LRP1B: variants seen among roughly 807,000 people sequenced by gnomAD.
LRP1B encodes the protein LDL receptor related protein 1B.
In LRP1B, 217 loss-of-function variants were observed where a neutral mutation model predicts 556.6. The observed-to-expected ratio is 0.39, with a 90% CI of 0.35 to 0.44. The LOEUF is 0.44. Among genes scored for constraint, LRP1B ranks in the 20% least tolerant of loss-of-function variants. LRP1B has a pLI of 1.00. For synonymous variants in LRP1B, 2,047 were observed against 1,865.8 expected, an observed-to-expected ratio of 1.10 and a Z score of -2.50; for missense variants, 5,053 against 5,620.8, an observed-to-expected ratio of 0.90 and a Z score of 3.23.
At chr2:141,463,932 T>C (rs894473664) in intron 3 of LRP1B, among the ~76,000 whole-genome samples, 3 of 150,598 alleles carry the variant, frequency 2.0e-5, no homozygotes, top group Non-Finnish European at 3.0e-5. Flanking sequence ...GGCCATAAAA[T>C]CCTGTGCTAT....
At chr2:140,587,443 G>C (rs1050997277) in intron 43 of LRP1B, among the ~76,000 whole-genome samples, 1 of 152,116 alleles carries the variant, frequency 6.6e-6, no homozygotes, top group Non-Finnish European at 1.5e-5. Flanking sequence ...GGGTGAACTT[G>C]GAGTACATTA....
intron 7 of LRP1B, among the ~76,000 whole-genome samples, chr2:141,098,663 CTGAT>C (rs201248914): frequency 2.6e-5 from 4 of 152,126 alleles, no homozygotes; most frequent in African/African-American, 9.6e-5. Context: ...TGTAGATTGA[CTGAT>C]TGATTTGGAG....
Position 141,115,610 on chromosome 2 carries a change from C to T in LRP1B, c.1014-53337G>A, listed in dbSNP as rs1020195586. Among the ~76,000 whole-genome samples the T allele has an allele frequency of 1.4e-4, 20 of 145,636 alleles. No individual in the cohort carries two copies. The Admixed American group carries it at 1.4e-3, about 10-fold the overall frequency. On this transcript the variant is annotated intron_variant, in intron 7 of 90. Coordinates refer to ENST00000389484, the MANE Select transcript of LRP1B (RefSeq NM_018557.3). ...TAGCTGGGACTACAGGCTCCCGCCACCATGCCCGGCTAATTTGTGTGTGTG... is the reference window on the plus strand; with the variant it reads ...TAGCTGGGACTACAGGCTCCCGCCATCATGCCCGGCTAATTTGTGTGTGTG...
chr2:142,105,654 A>G (rs964672120), intron 1 of LRP1B, among the ~76,000 whole-genome samples: 1 of 152,220 alleles, frequency 6.6e-6, no homozygotes, highest in African/African-American at 2.4e-5. Context: ...AAAATTAATT[A>G]GCACTGAAGA....
At chr2:141,908,200 T>C (rs1018134337) in intron 1 of LRP1B, among the ~76,000 whole-genome samples, 1 of 152,104 alleles carries the variant, frequency 6.6e-6, no homozygotes, top group African/African-American at 2.4e-5. Flanking sequence ...TTGATATATA[T>C]ATGTTATTTG....
At chr2:140,624,930 A>G (rs1683602009) in intron 41 of LRP1B, among the ~76,000 whole-genome samples, 1 of 152,214 alleles carries the variant, frequency 6.6e-6, no homozygotes, top group African/African-American at 2.4e-5. Context: ...GGCAGAAGAA[A>G]CAGCGTATGT....
chr2:141,924,629 G>C (rs1052568860), intron 1 of LRP1B, among the ~76,000 whole-genome samples: 65 of 152,148 alleles, frequency 4.3e-4, no homozygotes, highest in African/African-American at 1.3e-3. Flanking sequence ...ACGCGCCCTG[G>C]CTCCTGCACC....
At chr2:140,801,090 T>A (rs1033308345) in intron 32 of LRP1B, among the ~76,000 whole-genome samples, 18 of 152,202 alleles carry the variant, frequency 1.2e-4, no homozygotes, top group Admixed American at 1.3e-4. Context: ...TCATATATTT[T>A]ACTATTATTG....
At chr2:141,210,450 T>C (rs886138661) in intron 6 of LRP1B, among the ~76,000 whole-genome samples, 9 of 152,192 alleles carry the variant, frequency 5.9e-5, no homozygotes, top group Admixed American at 3.9e-4. Context: ...CCTTCTTTCT[T>C]CCATAAAGAC....
At chr2:141,072,215 T>C (rs530770653) in intron 7 of LRP1B, among the ~76,000 whole-genome samples, 2 of 152,188 alleles carry the variant, frequency 1.3e-5, no homozygotes, top group East Asian at 3.9e-4. Flanking sequence ...GCTCAAATGG[T>C]AAAATCCACT....
intron 3 of LRP1B, among the ~76,000 whole-genome samples, chr2:141,291,343 G>A (rs1323159423): frequency 6.6e-6 from 1 of 151,972 alleles, no homozygotes; most frequent in Non-Finnish European, 1.5e-5. Flanking sequence ...CTTCCACTTT[G>A]ACAAGAACGA....
intron 2 of LRP1B, among the ~76,000 whole-genome samples, chr2:141,484,960 A>G (rs1574000562): frequency 6.6e-6 from 1 of 152,138 alleles, no homozygotes; most frequent in African/African-American, 2.4e-5. Context: ...TTTCACTGTT[A>G]AGATTGCCAG....
intron 2 of LRP1B, among the ~76,000 whole-genome samples, chr2:141,685,920 T>G (rs1232636913): frequency 1.3e-5 from 2 of 152,228 alleles, no homozygotes; most frequent in South Asian, 2.1e-4. Context: ...AGTTTCCAGT[T>G]GGAACAGCAT....
chr2:140,709,563 C>G (rs1292002669), intron 37 of LRP1B, among the ~76,000 whole-genome samples: 1 of 151,880 alleles, frequency 6.6e-6, no homozygotes, highest in East Asian at 1.9e-4. Flanking sequence ...CTAAACTAAA[C>G]TCATACATGA....
intron 43 of LRP1B, among the ~76,000 whole-genome samples, chr2:140,589,478 T>C (rs1682128604): frequency 6.6e-6 from 1 of 152,204 alleles, no homozygotes; most frequent in African/African-American, 2.4e-5. Flanking sequence ...ATTATGTTCA[T>C]TCTAGAATCA....
At chr2:141,118,306 T>G (rs1700957262) in intron 7 of LRP1B, among the ~76,000 whole-genome samples, 2 of 152,070 alleles carry the variant, frequency 1.3e-5, no homozygotes, top group South Asian at 4.1e-4. Flanking sequence ...TTATCACATC[T>G]TATTACAAAA....
At chr2:141,430,762 C>A (rs1393666029) in intron 3 of LRP1B, among the ~76,000 whole-genome samples, 3 of 152,020 alleles carry the variant, frequency 2.0e-5, no homozygotes, top group Non-Finnish European at 4.4e-5. Context: ...TTTGGTTATA[C>A]AATCAAATGC....
rs1292804028 is a variant in LRP1B, at chr2:140,350,991, C to G, written c.11698G>C (p.Gly3900Arg). The change falls in exon 77 of 91, where the codon GGT becomes CGT. Residue 3900 changes from glycine (G) to arginine (R), a missense_variant. Around this residue, in one of 5 missense-constraint regions of LRP1B, gnomAD observed 599 missense variants for 648.4 expected, o/e 0.92. Transcript: ENST00000389484. ...CTGTAGTTGAATGGATATATAAAAC[C>G]CAGGATATCAGTGTCATTAGCAATG... is the stretch of plus-strand genomic sequence containing the variant. Reference protein sequence around the residue: ...LYIANDTDILGFIYPFNYSGD... With the variant: ...LYIANDTDILRFIYPFNYSGD... 6.2e-7 allele frequency: 1 copy of G among 1,602,612 alleles called. No homozygotes were observed. The highest frequency in any genetic ancestry group is 1.3e-5 in the African/African-American group (1 of 74,516).
intron 2 of LRP1B, among the ~76,000 whole-genome samples, chr2:141,548,393 C>T (rs1685627293): frequency 6.6e-6 from 1 of 152,170 alleles, no homozygotes; most frequent in Non-Finnish European, 1.5e-5. Context: ...GAAGCATGTG[C>T]AAAGGCACTT....
Sources: gnomAD v4.1 joint callset for allele counts (sites outside exome capture counted in the v4.1 genomes callset) on GRCh38, gnomAD v4.1.1 for gene constraint, gnomAD v4.1.1 regional missense constraint, MANE v1.5 for transcripts, NCBI Gene and HGNC (gene_info 2026-07-23, HGNC 2026-07-21) for gene names.